The following HECW2 variants were observed in gnomAD, a reference collection of about 807,000 sequenced individuals.
The protein encoded by HECW2 is HECT, C2 and WW domain containing E3 ubiquitin protein ligase 2.
In HECW2, 61 loss-of-function variants were observed where a neutral mutation model predicts 175.2. The ratio of observed to expected loss-of-function variants is 0.35; its 90% CI spans 0.28 to 0.43. HECW2 has a LOEUF of 0.43. Ranked by LOEUF, HECW2 falls within the 20% of genes least tolerant of loss-of-function variation. HECW2 has a pLI of 1.00. For synonymous variants in HECW2, 671 were observed against 731.0 expected (o/e 0.92, Z 1.32); for missense variants, 1,524 against 2,000.5 (o/e 0.76, Z 4.54).
intron 1 of HECW2, among the ~76,000 whole-genome samples, chr2:196,572,112 T>C (rs1690409411): frequency 6.6e-6 from 1 of 152,130 alleles, no homozygotes. Context: ...AAAAGTAGCG[T>C]AGTGACTGCC....
At chr2:196,211,019 G>C (rs1687263878) in intron 28 of HECW2, among the ~76,000 whole-genome samples, 1 of 152,058 alleles carries the variant, frequency 6.6e-6, no homozygotes. Flanking sequence ...GTCTCCATAA[G>C]ACATCTATTT....
intron 1 of HECW2, among the ~76,000 whole-genome samples, chr2:196,453,381 T>C (rs1405886): frequency 0.13 from 20,204 of 152,176 alleles, 1,807 homozygotes; most frequent in African/African-American, 0.26. Flanking sequence ...GAGTAGAAAA[T>C]GAACTGCCTC....
chr2:196,373,170 G>C lies in HECW2; in HGVS notation c.293-29406C>G, dbSNP rs1693954004. ...TGACAAGTACACAAAATAGATAAAG[G>C]ATAGTCCACCAGGAAGGCAGCTGGC... is the stretch of plus-strand genomic sequence containing the variant. On this transcript the variant is annotated intron_variant, in intron 2 of 28. Transcript: ENST00000644978. Among the ~76,000 whole-genome samples, 3 of 152,160 alleles carry C rather than the reference G, an allele frequency of 2.0e-5. No homozygotes were observed. In the South Asian group the frequency reaches 6.2e-4, roughly 32 times the overall value.
chr2:196,257,808 G>A lies in HECW2; in HGVS notation c.3419+15C>T. ...AAGAGACCTTCTGCTTCAAGAGTGA[G>A]TGTTACGTATGTACCTCAGCAACAT... is the stretch of plus-strand genomic sequence containing the variant. On this transcript the variant is annotated intron_variant, in intron 18 of 28. Coordinates refer to ENST00000644978, the MANE Select transcript of HECW2 (RefSeq NM_001348768.2). 1 of 1,577,176 alleles carries A rather than the reference G, an allele frequency of 6.3e-7. No individual in the cohort carries two copies. Among genetic ancestry groups the A allele is most frequent in the South Asian group, 1.1e-5 (1 of 90,174 alleles).
chr2:196,439,534 A>C (rs2125286448), intron 1 of HECW2, among the ~76,000 whole-genome samples: 1 of 152,314 alleles, frequency 6.6e-6, no homozygotes, highest in East Asian at 1.9e-4. Flanking sequence ...TAGCTTTTAT[A>C]GAACTGTTTC....
At chr2:196,211,536 A>G (rs986029279) in intron 28 of HECW2, among the ~76,000 whole-genome samples, 2 of 152,192 alleles carry the variant, frequency 1.3e-5, no homozygotes, top group Non-Finnish European at 2.9e-5. Flanking sequence ...AAAAAGAGCC[A>G]TGGATTCAAC....
At chr2:196,368,896 T>C (rs905832093) in intron 2 of HECW2, among the ~76,000 whole-genome samples, 1 of 152,144 alleles carries the variant, frequency 6.6e-6, no homozygotes, top group Non-Finnish European at 1.5e-5. Flanking sequence ...CTTGAATTTC[T>C]TTTAGTTTCC....
intron 3 of HECW2, among the ~76,000 whole-genome samples, chr2:196,337,507 CCCACAG>C (rs1471262248): frequency 6.6e-6 from 1 of 151,588 alleles, no homozygotes; most frequent in Non-Finnish European, 1.5e-5. Context: ...GCTGCTTTTT[CCCACAG>C]CCTGATGTGG....
intron 2 of HECW2, among the ~76,000 whole-genome samples, chr2:196,416,245 C>A (rs1481460380): frequency 6.6e-6 from 1 of 152,160 alleles, no homozygotes; most frequent in Non-Finnish European, 1.5e-5. Flanking sequence ...TAGATCATCT[C>A]ACTCTCTCCT....
At chr2:196,227,512 T>A (rs984948186) in intron 22 of HECW2, among the ~76,000 whole-genome samples, 5 of 152,182 alleles carry the variant, frequency 3.3e-5, no homozygotes, top group African/African-American at 1.2e-4. Context: ...AAATGGCTAA[T>A]ACGGTAAGTG....
At chr2:196,364,197 T>C (rs1040597447) in intron 2 of HECW2, among the ~76,000 whole-genome samples, 1 of 152,226 alleles carries the variant, frequency 6.6e-6, no homozygotes, top group African/African-American at 2.4e-5. Flanking sequence ...CCACTTTACC[T>C]GCGCTCTAGG....
chr2:196,341,623 G>T (rs971596582), intron 3 of HECW2, among the ~76,000 whole-genome samples: 11 of 152,146 alleles, frequency 7.2e-5, no homozygotes, highest in African/African-American at 2.7e-4. Flanking sequence ...TATTAGCTAG[G>T]ATTCTGCTGA....
intron 13 of HECW2, among the ~76,000 whole-genome samples, chr2:196,299,165 C>T (rs1158680827): frequency 6.6e-6 from 1 of 151,894 alleles, no homozygotes; most frequent in Non-Finnish European, 1.5e-5. Context: ...CATGGATCAT[C>T]TTTTTAGCTA....
At chr2:196,316,475 C>T (rs1691701336) in intron 10 of HECW2, 1 of 152,102 alleles carries the variant, frequency 6.6e-6, no homozygotes, top group Non-Finnish European at 1.5e-5. Context: ...AGCGGTAAGG[C>T]AAAAGGGTAT....
intron 13 of HECW2, among the ~76,000 whole-genome samples, chr2:196,301,372 T>C (rs1477493614): frequency 6.6e-6 from 1 of 152,246 alleles, no homozygotes; most frequent in Non-Finnish European, 1.5e-5. Context: ...GAATGATTTA[T>C]ATTCCTTTAG....
At chr2:196,346,092 G>A (rs1332402136) in intron 2 of HECW2, among the ~76,000 whole-genome samples, 3 of 152,140 alleles carry the variant, frequency 2.0e-5, no homozygotes, top group Non-Finnish European at 4.4e-5. Flanking sequence ...AAAAGATGAG[G>A]CAGTATCAAA....
chr2:196,279,195 CCCA>C (rs1690093744), intron 14 of HECW2, among the ~76,000 whole-genome samples: 1 of 151,996 alleles, frequency 6.6e-6, no homozygotes. Context: ...ACTACAGGCG[CCCA>C]CCACCACGCC....
intron 1 of HECW2, 94 bp from the exon 2 acceptor site, chr2:196,433,552 A>G: frequency 1.2e-6 from 1 of 841,324 alleles, no homozygotes; most frequent in Non-Finnish European, 1.8e-6. Context: ...GGTGTTTAAT[A>G]AGCCTGATCA....
intron 2 of HECW2, among the ~76,000 whole-genome samples, chr2:196,375,451 A>G (rs1193383018): frequency 1.3e-5 from 2 of 152,242 alleles, no homozygotes. Context: ...GTTTCTCTAT[A>G]AACTTTAATA....
Sources: allele counts gnomAD v4.1 joint callset (sites outside exome capture counted in the v4.1 genomes callset), GRCh38; gene constraint gnomAD v4.1.1; transcripts MANE v1.5; gene names NCBI Gene and HGNC (gene_info 2026-07-23, HGNC 2026-07-21).